The following PKD1L1 variants were observed in gnomAD, a reference collection of about 807,000 sequenced individuals.
The protein encoded by PKD1L1 is polycystin 1 like 1, transient receptor potential channel interacting, also known as polycystin-1-like protein 1.
Under a neutral mutation model 323.4 loss-of-function variants are expected in PKD1L1, and 236 were observed. The ratio of observed to expected loss-of-function variants is 0.73; its 90% confidence interval spans 0.66 to 0.81. PKD1L1 has a LOEUF of 0.81. Among genes scored for constraint, PKD1L1 ranks in the 40% least tolerant of loss-of-function variants. PKD1L1 has a pLI of 0.00. For missense variants in PKD1L1, 3,320 were observed against 3,508.0 expected (o/e 0.95, Z 1.35); for synonymous variants, 1,344 against 1,335.0 (o/e 1.01, Z -0.15).
At position 47,774,975 on chromosome 7, in the gene PKD1L1, T is replaced by C. The variant is rs1436151062; in HGVS notation, c.*168A>G. 9 of 713,516 alleles carry C rather than the reference T, an allele frequency of 1.3e-5. No homozygotes were observed. Among genetic ancestry groups the C allele is most frequent in the Non-Finnish European group, 2.4e-6 (1 of 408,522 alleles). 44.2% of individuals were successfully genotyped at this position (713,516 alleles called of 1,614,324 possible). A position where few individuals can be genotyped will look rare whatever the true frequency, so the allele number is the denominator to read the frequency against. ...CAGTCTGATGACAGATAAACCTTGA[T>C]TTTCATCCTGGTTTCCCATTTACTT... On this transcript the variant is annotated 3_prime_UTR_variant, in exon 57 of 57. Transcript: ENST00000289672.
rs1439225958 is a variant in PKD1L1 at position 47,903,071 on chromosome 7, TGGA to T, written c.1932-563_1932-561del. ...CAGCTGTGGAGAGATTCAGGACAGT[TGGA>T]GGTGAGAGCTGGGTAGCTCCTGACC... On this transcript the variant is annotated intron_variant, in intron 12 of 56. Coordinates refer to ENST00000289672, the MANE Select transcript of PKD1L1 (RefSeq NM_138295.5). 7.9e-5 allele frequency among the ~76,000 whole-genome samples: 12 copies of T among 152,216 alleles called. No individual in the cohort carries two copies. In the East Asian group the frequency reaches 2.1e-3, roughly 27 times the overall value.
intron 56 of PKD1L1, among the ~76,000 whole-genome samples, chr7:47,792,316 T>C (rs1481831032): frequency 6.6e-6 from 1 of 152,074 alleles, no homozygotes; most frequent in Non-Finnish European, 1.5e-5. Flanking sequence ...ATTTCTGGGT[T>C]TTTTTTTGTT....
intron 1 of PKD1L1, among the ~76,000 whole-genome samples, chr7:47,948,191 A>C (rs1291532260): frequency 2.0e-5 from 3 of 152,196 alleles, no homozygotes; most frequent in Non-Finnish European, 4.4e-5. Flanking sequence ...AGTCTTCTCA[A>C]AAGCCTTCAG....
At chr7:47,853,250 G>A in intron 30 of PKD1L1, 23 bp from the exon 31 acceptor site, 1 of 1,488,136 alleles carries the variant, frequency 6.7e-7, no homozygotes, top group Non-Finnish European at 9.4e-7. Context: ...AACAAAATAG[G>A]GATTTCTCAT....
intron 24 of PKD1L1, among the ~76,000 whole-genome samples, chr7:47,870,170 AAAC>A (rs1019253583): frequency 1.5e-5 from 2 of 134,038 alleles, no homozygotes; most frequent in Non-Finnish European, 3.2e-5. Flanking sequence ...TCACCTTAAG[AAAC>A]AACAACAACA....
At chr7:47,897,354 C>T (rs915134448) in intron 14 of PKD1L1, among the ~76,000 whole-genome samples, 9 of 152,190 alleles carry the variant, frequency 5.9e-5, no homozygotes, top group African/African-American at 2.2e-4. Flanking sequence ...GCCCACTGTG[C>T]AATTTGTTCC....
intron 52 of PKD1L1, among the ~76,000 whole-genome samples, chr7:47,804,461 C>T (rs1301344027): frequency 7.1e-6 from 1 of 140,876 alleles, no homozygotes; most frequent in Admixed American, 7.8e-5. Context: ...AGATATTTTA[C>T]ATTTTTAATT....
Position 47,888,082 on chromosome 7 carries a change from T to C in PKD1L1, c.2744A>G (p.Gln915Arg). 1 of 1,613,996 alleles carries C rather than the reference T, an allele frequency of 6.2e-7. No individual in the cohort carries two copies. The highest frequency in any genetic ancestry group is 8.5e-7 in the Non-Finnish European group (1 of 1,179,916). ...FVNWNDELSL[Q>R]AMCEDCSEIP... ...TTCACTGCAGTCCTCACACATAGCT[T>C]GAAGAGAGAGTTCGTCATTCCAGTT... Residue 915 changes from glutamine to arginine, a missense_variant, in exon 17 of 57, where the codon CAA becomes CGA. Physicochemically the swap from Gln to Arg is conservative, Grantham distance 43. Coordinates refer to ENST00000289672, the MANE Select transcript of PKD1L1 (RefSeq NM_138295.5).
At chr7:47,812,084 G>A (rs1390443891) in intron 49 of PKD1L1, 33 bp from the exon 50 acceptor site, 2 of 1,532,792 alleles carry the variant, frequency 1.3e-6, no homozygotes, top group Non-Finnish European at 1.8e-6. Context: ...GTAGGGCAGG[G>A]CAGGGAGAAA....
the PKD1L1 span, among the ~76,000 whole-genome samples, chr7:47,957,686 G>A: frequency 6.6e-6 from 1 of 151,944 alleles, no homozygotes; most frequent in East Asian, 1.9e-4. Context: ...TGTAGAGAAA[G>A]GGTTTTGCCA....
intron 7 of PKD1L1, among the ~76,000 whole-genome samples, chr7:47,923,940 C>A (rs1332962738): frequency 6.6e-6 from 1 of 151,564 alleles, no homozygotes; most frequent in African/African-American, 2.4e-5. Context: ...ACAAAATCAA[C>A]AACTCTTTTT....
At chr7:47,791,010 T>C (rs886523492) in intron 56 of PKD1L1, among the ~76,000 whole-genome samples, 3 of 152,188 alleles carry the variant, frequency 2.0e-5, no homozygotes, top group African/African-American at 4.8e-5. Flanking sequence ...GCTGGGATTA[T>C]AGGCATGAGC....
intron 56 of PKD1L1, among the ~76,000 whole-genome samples, chr7:47,791,401 G>C (rs1162261552): frequency 6.7e-6 from 1 of 148,448 alleles, no homozygotes; most frequent in Non-Finnish European, 1.5e-5. Context: ...TTAATTCACT[G>C]TCTTTTTATT....
chr7:47,842,817 G>T, intron 34 of PKD1L1, 145 bp downstream of exon 34: 1 of 739,580 alleles, frequency 1.4e-6, no homozygotes, highest in Non-Finnish European at 2.2e-6. Flanking sequence ...GAGGGCAGTG[G>T]AAAGGGCGGG....
chr7:47,873,899 A>G lies in PKD1L1; in HGVS notation c.3896T>C (p.Leu1299Pro). ...YHGNDCLGED[L>P]YNSSLKNLST... ...GTCTGTGTGGCATTGTGTTACTCAC[A>G]GGTCCTCGCCCAGACAGTCATTTCC... Residue 1299 changes from leucine (L) to proline (P), a missense_variant and splice_region_variant, in exon 24 of 57, where the codon CTG becomes CCG. Transcript: ENST00000289672. 1 of 1,610,774 alleles carries G rather than the reference A, an allele frequency of 6.2e-7. No homozygotes were observed. Among genetic ancestry groups the G allele is most frequent in the Non-Finnish European group, 8.5e-7 (1 of 1,177,576 alleles).
At chr7:47,862,057 T>C (rs1768837458) in intron 26 of PKD1L1, among the ~76,000 whole-genome samples, 1 of 151,650 alleles carries the variant, frequency 6.6e-6, no homozygotes, top group Non-Finnish European at 1.5e-5. Flanking sequence ...TGGCCAGGTA[T>C]GGTGGCGTGC....
rs993256444 is a variant in PKD1L1 at position 47,894,153 on chromosome 7, G to C, written c.2272-94C>G. The C allele has an allele frequency of 1.3e-5, 16 of 1,214,792 alleles. No homozygotes were observed. The African/African-American group carries it at 2.0e-4, about 15-fold the overall frequency. The allele number at this position is 1,214,792 out of a possible 1,614,324, so 75.3% of individuals were successfully genotyped here. On this transcript the variant is annotated intron_variant, in intron 14 of 56. Coordinates refer to ENST00000289672, the MANE Select transcript of PKD1L1 (RefSeq NM_138295.5). ...TAGTCTGAAAATTAGAAAGGAAGCC[G>C]ACGAGTCTCAACGCATCCCTGGCTC...
At position 47,931,106 on chromosome 7, in the gene PKD1L1, T is replaced by C. The variant is rs138269845; in HGVS notation, c.735A>G (p.Arg245=). ...CCTCCATACCTCCTTCACCGTACCTTCTGGGAGAAGTGGGAAAATGTGAAA... is the reference window on the plus strand; with the variant it reads ...CCTCCATACCTCCTTCACCGTACCTCCTGGGAGAAGTGGGAAAATGTGAAA... ...WPISHFPTSP[R]SSHGLPPGIP... is the part of the protein sequence containing the mutation. Residue 245 remains arginine, a splice_region_variant and synonymous_variant, in exon 6 of 57, where the codon AGA becomes AGG. Transcript: ENST00000289672. 6.2e-7 allele frequency: 1 copy of C among 1,613,606 alleles called. No individual in the cohort carries two copies. Among genetic ancestry groups the C allele is most frequent in the African/African-American group, 1.3e-5 (1 of 74,926 alleles).
rs1037663844 is a variant in PKD1L1 at position 47,831,277 on chromosome 7, C to G, written c.6413G>C (p.Trp2138Ser). Residue 2138 changes from tryptophan (W) to serine (S), a missense_variant, in exon 42 of 57, where the codon TGG (tryptophan) becomes TCG (serine). By Grantham distance (177) the Trp-to-Ser change is radical (BLOSUM62 -3). Coordinates refer to ENST00000289672, the MANE Select transcript of PKD1L1 (RefSeq NM_138295.5). Reference protein sequence around the residue: ...ALQPWWSSAVWAICGTASLAC... With the variant: ...ALQPWWSSAVSAICGTASLAC... Reference sequence around the variant, plus strand: ...CAAAGAAGCGGTCCCACAAATGGCCCACACTGCAGAGCTCCACCAAGGCTG... The same window carrying G: ...CAAAGAAGCGGTCCCACAAATGGCCGACACTGCAGAGCTCCACCAAGGCTG... 1 of 1,614,176 alleles carries G rather than the reference C, an allele frequency of 6.2e-7. No homozygotes were observed. Among genetic ancestry groups the G allele is most frequent in the Non-Finnish European group, 8.5e-7 (1 of 1,180,020 alleles).
Sources: allele counts gnomAD v4.1 joint callset (sites outside exome capture counted in the v4.1 genomes callset), GRCh38; gene constraint gnomAD v4.1.1; transcripts MANE v1.5; gene names NCBI Gene and HGNC (gene_info 2026-07-23, HGNC 2026-07-21).